DGKB: variants seen among roughly 807,000 people sequenced by gnomAD.
The protein encoded by DGKB is 90 kDa diacylglycerol kinase.
A neutral mutation model predicts 114.3 loss-of-function variants in DGKB; 67 were observed. The ratio of observed to expected loss-of-function variants is 0.59; its 90% CI spans 0.48 to 0.72. The LOEUF (loss-of-function observed/expected upper bound fraction) is 0.72. DGKB is among the 30% of genes least tolerant of loss of function. The pLI is 0.00. For synonymous variants in DGKB, 398 were observed against 323.1 expected, an observed-to-expected ratio of 1.23 and a Z score of -2.49; for missense variants, 907 against 975.2, an observed-to-expected ratio of 0.93 and a Z score of 0.93.
rs183783818 is a variant in DGKB, at chr7:14,542,306, G to A, written c.1770+31906C>T. ...TCCAAAGTGCTGGTGCAAGCCAGGT[G>A]CTCCCTGCTGCTTTTTCCTAACTTT... On this transcript the variant is annotated intron_variant, in intron 20 of 25. Coordinates refer to ENST00000402815, the MANE Select transcript of DGKB (RefSeq NM_001350709.2). Among the ~76,000 whole-genome samples the A allele has an allele frequency of 3.4e-3, 519 of 152,168 alleles. 4 individuals are homozygous for A. The highest frequency in any genetic ancestry group is 0.012 in the African/African-American group (503 of 41,508).
intron 13 of DGKB, among the ~76,000 whole-genome samples, chr7:14,644,719 A>G (rs931502366): frequency 6.6e-6 from 1 of 152,262 alleles, no homozygotes; most frequent in South Asian, 2.1e-4. Context: ...AACTTTAAGC[A>G]AACACATTTT....
At chr7:14,856,587 A>G (rs1256405597) in intron 1 of DGKB, among the ~76,000 whole-genome samples, 1 of 152,038 alleles carries the variant, frequency 6.6e-6, no homozygotes, top group African/African-American at 2.4e-5. Flanking sequence ...CAAGTTTTTC[A>G]GATGTATTCA....
intron 23 of DGKB, among the ~76,000 whole-genome samples, chr7:14,249,744 A>T (rs977079993): frequency 6.6e-6 from 1 of 152,058 alleles, no homozygotes; most frequent in Non-Finnish European, 1.5e-5. Context: ...GTCTAATTAA[A>T]GGTTTGTAAT....
intron 2 of DGKB, among the ~76,000 whole-genome samples, chr7:14,775,567 G>C (rs1265083028): frequency 6.6e-6 from 1 of 151,872 alleles, no homozygotes; most frequent in African/African-American, 2.4e-5. Flanking sequence ...TCATCGAGAT[G>C]GTTACTTCCA....
At chr7:14,332,167 G>A (rs1197762934) in intron 23 of DGKB, among the ~76,000 whole-genome samples, 1 of 151,962 alleles carries the variant, frequency 6.6e-6, no homozygotes, top group Admixed American at 6.6e-5. Flanking sequence ...CATTTGCTAC[G>A]TACTGGCCCC....
At chr7:14,179,648 G>C (rs933398302) in intron 23 of DGKB, among the ~76,000 whole-genome samples, 4 of 152,130 alleles carry the variant, frequency 2.6e-5, no homozygotes, top group Admixed American at 1.3e-4. Context: ...GCAGCAAATA[G>C]TGCTTTGCAA....
intron 2 of DGKB, among the ~76,000 whole-genome samples, chr7:14,828,837 C>T (rs866888734): frequency 2.6e-5 from 4 of 152,198 alleles, no homozygotes; most frequent in Middle Eastern, 3.4e-3. Context: ...TGATTATTGA[C>T]ATAACACTCA....
intron 2 of DGKB, among the ~76,000 whole-genome samples, chr7:14,783,261 A>T (rs1036214057): frequency 1.3e-5 from 2 of 152,230 alleles, no homozygotes; most frequent in African/African-American, 4.8e-5. Context: ...GGATATGGTT[A>T]TTCAAAATAT....
intron 2 of DGKB, among the ~76,000 whole-genome samples, chr7:14,784,430 C>G (rs1291595823): frequency 7.3e-6 from 1 of 137,102 alleles, no homozygotes; most frequent in East Asian, 2.1e-4. Flanking sequence ...GGCAGTGGTT[C>G]GATCTTGGCT....
intron 23 of DGKB, among the ~76,000 whole-genome samples, chr7:14,217,172 G>C (rs1041832917): frequency 7.2e-5 from 11 of 152,056 alleles, no homozygotes; most frequent in African/African-American, 2.7e-4. Context: ...ATCTAAAGCA[G>C]ATGCCTAAGT....
intron 4 of DGKB, among the ~76,000 whole-genome samples, chr7:14,739,767 A>T (rs1012479701): frequency 6.6e-6 from 1 of 152,178 alleles, no homozygotes; most frequent in African/African-American, 2.4e-5. Context: ...TGGGTTTGGG[A>T]ATGTCGGCCT....
chr7:14,771,605 C>A (rs1837421029), intron 2 of DGKB, among the ~76,000 whole-genome samples: 1 of 152,018 alleles, frequency 6.6e-6, no homozygotes, highest in African/African-American at 2.4e-5. Flanking sequence ...ATCATAAATT[C>A]TCATCATCAG....
At chr7:14,449,494 G>A (rs908855800) in intron 21 of DGKB, among the ~76,000 whole-genome samples, 1 of 151,864 alleles carries the variant, frequency 6.6e-6, no homozygotes, top group African/African-American at 2.4e-5. Context: ...CTTGGAACAG[G>A]CACCCAATTA....
chr7:14,281,606 T>G (rs1185425898), intron 23 of DGKB, among the ~76,000 whole-genome samples: 19 of 147,738 alleles, frequency 1.3e-4, no homozygotes, highest in African/African-American at 3.6e-4. Context: ...ACCACATACT[T>G]GGAAGTAAAG....
intron 20 of DGKB, among the ~76,000 whole-genome samples, chr7:14,484,908 G>T (rs980952369): frequency 6.6e-6 from 1 of 152,072 alleles, no homozygotes; most frequent in Non-Finnish European, 1.5e-5. Flanking sequence ...TAAATTGGGA[G>T]AAGAGTTTAA....
intron 17 of DGKB, among the ~76,000 whole-genome samples, chr7:14,586,166 T>C (rs1017353356): frequency 1.3e-5 from 2 of 152,086 alleles, no homozygotes; most frequent in Non-Finnish European, 2.9e-5. Flanking sequence ...TAAGCCAAGC[T>C]GTAAAAGCGA....
chr7:14,747,803 A>G (rs927665296), intron 4 of DGKB, among the ~76,000 whole-genome samples: 23 of 152,060 alleles, frequency 1.5e-4, no homozygotes, highest in Non-Finnish European at 1.2e-4. Context: ...ACACACACAA[A>G]TGTTCAAAAT....
intron 23 of DGKB, among the ~76,000 whole-genome samples, chr7:14,183,244 G>A (rs1782903676): frequency 6.6e-6 from 1 of 152,152 alleles, no homozygotes; most frequent in Admixed American, 6.5e-5. Flanking sequence ...TCACTAGAGT[G>A]AATAATTCAA....
chr7:14,653,754 T>A (rs527558635), intron 13 of DGKB, among the ~76,000 whole-genome samples: 2 of 151,728 alleles, frequency 1.3e-5, no homozygotes, highest in African/African-American at 2.4e-5. Context: ...ATATAATACA[T>A]CAATAGAATA....
Sources: gnomAD v4.1 joint callset for allele counts (sites outside exome capture counted in the v4.1 genomes callset) on GRCh38, gnomAD v4.1.1 for gene constraint, MANE v1.5 for transcripts, NCBI Gene and HGNC (gene_info 2026-07-23, HGNC 2026-07-21) for gene names.